HTR3A: variants seen among roughly 807,000 people sequenced by gnomAD.
The protein encoded by HTR3A is 5-hydroxytryptamine receptor 3A, also known as 5-hydroxytryptamine (serotonin) receptor 3A, ionotropic.
Under a neutral mutation model 54.8 loss-of-function variants are expected in HTR3A, and 45 were observed. That is an observed-to-expected ratio of 0.82 (90% CI 0.65 to 1.05). HTR3A has a LOEUF of 1.05. Among genes scored for constraint, HTR3A ranks in the 50% least tolerant of loss-of-function variants. The pLI is 0.00. For synonymous variants in HTR3A, 297 were observed against 256.0 expected (o/e 1.16, Z -1.53); for missense variants, 657 against 614.0 (o/e 1.07, Z -0.74).
chr11:113,976,345 A>T (rs1314493713), intron 1 of HTR3A, among the ~76,000 whole-genome samples: 1 of 151,970 alleles, frequency 6.6e-6, no homozygotes, highest in Non-Finnish European at 1.5e-5. Flanking sequence ...GTGCTCTCCA[A>T]GCTGGTCAGG....
rs777809821 is a variant in HTR3A at position 113,989,668 on chromosome 11, G to A, written c.1342G>A (p.Val448Met). ...CCGAGACTGGCTGCGCGTGGGCTCC[G>A]TGCTGGACAAGCTGCTATTCCACAT... ...VARDWLRVGS[V>M]LDKLLFHIYL... Residue 448 changes from valine to methionine, a missense_variant, in exon 9 of 9, where the codon GTG (valine) becomes ATG (methionine). Transcript: ENST00000504030. This position sits in a 1 kb window ranked among gnomAD's most constrained non-coding sequence, Gnocchi z 4.4. 3.3e-5 allele frequency: 53 copies of A among 1,614,008 alleles called. No homozygotes were observed. Among genetic ancestry groups the A allele is most frequent in the Admixed American group, 2.3e-4 (14 of 60,000 alleles).
At chr11:113,988,962 TGTAAGGAGGGGTATACGA>T (rs1950522198) in intron 8 of HTR3A, among the ~76,000 whole-genome samples, 1 of 152,108 alleles carries the variant, frequency 6.6e-6, no homozygotes, top group Admixed American at 6.6e-5. Context: ...GGAGAATGTG[TGTAAGGAGGGGTATACGA>T]GGATCCTCAG....
chr11:113,980,535 G>A (rs1448441083), intron 3 of HTR3A, among the ~76,000 whole-genome samples: 1 of 152,232 alleles, frequency 6.6e-6, no homozygotes. Flanking sequence ...AATGTACCTT[G>A]GTAAAGAAGA....
intron 1 of HTR3A, among the ~76,000 whole-genome samples, chr11:113,976,558 C>T (rs1950352771): frequency 7.6e-6 from 1 of 131,466 alleles, no homozygotes; most frequent in Non-Finnish European, 1.6e-5. Context: ...AAAGGAGACA[C>T]TTAAAAAATA....
At chr11:113,981,139 G>A in intron 3 of HTR3A, 64 bp from the exon 4 acceptor site, 1 of 1,007,924 alleles carries the variant, frequency 9.9e-7, no homozygotes, top group African/African-American at 1.6e-5. Context: ...GTCTGCCTGA[G>A]TTGCAGGCGA....
chr11:113,986,104 C>T lies in HTR3A; in HGVS notation c.634C>T (p.Leu212=), dbSNP rs192036552. ...CATGAACCAGGGAGAGTGGGAGTTG[C>T]TGGGGGTGCTGCCCTACTTTCGGGA... ...VFMNQGEWEL[L]GVLPYFREFS... Residue 212 remains leucine, a synonymous_variant, in exon 6 of 9, where the codon CTG becomes TTG. Coordinates refer to ENST00000504030, the MANE Select transcript of HTR3A (RefSeq NM_000869.6). The T allele has an allele frequency of 9.3e-6, 15 of 1,614,044 alleles. No homozygotes were observed. The African/African-American group carries it at 2.0e-4, about 22-fold the overall frequency.
chr11:113,975,360 T>G lies in HTR3A; in HGVS notation c.35T>G (p.Leu12Trp). ...LLWVQQALLA[L>W]LLPTLLAQGE... The stretch of plus-strand genomic sequence containing the variant: ...TGGGTCCAGCAGGCGCTGCTCGCCT[T>G]GCTCCTCCCCACACTCCTGGCACAG... The change falls in exon 1 of 9, where the codon TTG becomes TGG. Residue 12 changes from leucine to tryptophan, a missense_variant. Coordinates refer to ENST00000504030, the MANE Select transcript of HTR3A (RefSeq NM_000869.6). 1 of 1,613,242 alleles carries G rather than the reference T, an allele frequency of 6.2e-7. No homozygotes were observed. The highest frequency in any genetic ancestry group is 8.5e-7 in the Non-Finnish European group (1 of 1,180,006).
intron 8 of HTR3A, 110 bp downstream of exon 8, chr11:113,987,156 C>A: frequency 8.7e-7 from 1 of 1,148,408 alleles, no homozygotes; most frequent in Non-Finnish European, 1.3e-6. Context: ...CTGCACATGG[C>A]ATCCCATGCC....
rs370293059 is a variant in HTR3A at position 113,986,845 on chromosome 11, A to G, written c.937A>G (p.Met313Val). 16 of 1,611,930 alleles carry G rather than the reference A, an allele frequency of 9.9e-6. No homozygotes were observed. The highest frequency in any genetic ancestry group is 1.7e-5 in the Admixed American group (1 of 59,870). Residue 313 changes from methionine to valine, a missense_variant, in exon 8 of 9, where the codon ATG (methionine) becomes GTG (valine). Physicochemically the swap from Met to Val is conservative, Grantham distance 21. Coordinates refer to ENST00000504030, the MANE Select transcript of HTR3A (RefSeq NM_000869.6). ...CACAGGTGTCTACTTTGTGGTGTGC[A>G]TGGCTCTGCTGGTGATAAGTTTGGC... Reference protein sequence around the residue: ...PLIGVYFVVCMALLVISLAET... With the variant: ...PLIGVYFVVCVALLVISLAET...
intron 8 of HTR3A, among the ~76,000 whole-genome samples, chr11:113,987,856 C>T (rs538301538): frequency 6.6e-6 from 1 of 152,326 alleles, no homozygotes; most frequent in African/African-American, 2.4e-5. Context: ...GTTATAGCTA[C>T]CATTTGTTGT....
At chr11:113,981,480 C>G (rs115066568) in intron 4 of HTR3A, among the ~76,000 whole-genome samples, 168 bp downstream of exon 4, 4 of 152,112 alleles carry the variant, frequency 2.6e-5, no homozygotes, top group Non-Finnish European at 5.9e-5. Flanking sequence ...CCCCCCCGAC[C>G]TTTTTCTGTT....
chr11:113,986,461 T>C, intron 6 of HTR3A, 57 bp from the exon 7 acceptor site: 13 of 1,591,946 alleles, frequency 8.2e-6, no homozygotes, highest in Non-Finnish European at 1.1e-5. Flanking sequence ...GTGGGGTGGT[T>C]CCTGGGAGCA....
chr11:113,978,834 C>A (rs1260744649), intron 2 of HTR3A, among the ~76,000 whole-genome samples: 3 of 151,988 alleles, frequency 2.0e-5, no homozygotes, highest in Non-Finnish European at 4.4e-5. Flanking sequence ...ACTAAAAATG[C>A]AAAAATTAGT....
intron 3 of HTR3A, among the ~76,000 whole-genome samples, chr11:113,980,041 G>A (rs1053412186): frequency 6.6e-6 from 1 of 152,174 alleles, no homozygotes; most frequent in African/African-American, 2.4e-5. Flanking sequence ...CAGGGCGTGG[G>A]GTAGAGGAAG....
chr11:113,989,357 A>T lies in HTR3A; in HGVS notation c.1139-108A>T. 7.7e-7 allele frequency: 1 copy of T among 1,294,388 alleles called. No homozygotes were observed. The highest frequency in any genetic ancestry group is 1.1e-6 in the Non-Finnish European group (1 of 896,494). 80.2% of individuals were successfully genotyped at this position (1,294,388 alleles called of 1,614,324 possible). The stretch of plus-strand genomic sequence containing the variant: ...CAGCCTGGGTGACAGAGTGAGAAAA[A>T]AAAAGTTATTCCCAACAAAAATTTA... On this transcript the variant is annotated intron_variant, in intron 8 of 8. Coordinates refer to ENST00000504030, the MANE Select transcript of HTR3A (RefSeq NM_000869.6). This position sits in a 1 kb window ranked among gnomAD's most constrained non-coding sequence, Gnocchi z 4.4.
intron 6 of HTR3A, 28 bp downstream of exon 6, chr11:113,986,203 G>A (rs375094133): frequency 6.2e-7 from 1 of 1,613,660 alleles, no homozygotes; most frequent in Middle Eastern, 1.7e-4. Context: ...TGGGTAAAAT[G>A]GTGAATAAAG....
chr11:113,989,354 A>G lies in HTR3A; in HGVS notation c.1139-111A>G. On this transcript the variant is annotated intron_variant, in intron 8 of 8. Coordinates refer to ENST00000504030, the MANE Select transcript of HTR3A (RefSeq NM_000869.6). The surrounding 1 kb of genome is among the most constrained non-coding windows in gnomAD (Gnocchi z 4.4). ...CTCCAGCCTGGGTGACAGAGTGAGA[A>G]AAAAAAAGTTATTCCCAACAAAAAT... 1.6e-6 allele frequency: 2 copies of G among 1,253,878 alleles called. No homozygotes were observed. Among genetic ancestry groups the G allele is most frequent in the Non-Finnish European group, 2.3e-6 (2 of 861,202 alleles). 77.7% of individuals were successfully genotyped at this position (1,253,878 alleles called of 1,614,324 possible).
chr11:113,980,989 T>G, intron 3 of HTR3A: 1 of 567,994 alleles, frequency 1.8e-6, no homozygotes, highest in Non-Finnish European at 3.2e-6. Context: ...AGGCTACATC[T>G]AGCCGAGTTG....
At position 113,981,185 on chromosome 11, in the gene HTR3A, T is replaced by A. The variant is rs1950417222; in HGVS notation, c.265-18T>A. 2.0e-6 allele frequency: 3 copies of A among 1,511,398 alleles called. No individual in the cohort carries two copies. The highest frequency in any genetic ancestry group is 2.8e-6 in the Non-Finnish European group (3 of 1,086,360). 93.6% of individuals were successfully genotyped at this position (1,511,398 alleles called of 1,614,324 possible). ...AGATGGAGGGGGCTGCCTGTGACCA[T>A]CCCTGCTCCTCCCCTAGTACTGGAC... On this transcript the variant is annotated intron_variant, in intron 3 of 8. Transcript: ENST00000504030.
Sources: gnomAD v4.1 joint callset for allele counts (sites outside exome capture counted in the v4.1 genomes callset) on GRCh38, gnomAD v4.1.1 for gene constraint, Gnocchi (gnomAD v3.1) non-coding constraint, MANE v1.5 for transcripts, NCBI Gene and HGNC (gene_info 2026-07-23, HGNC 2026-07-21) for gene names.